EPHA6: variants seen among roughly 807,000 people sequenced by gnomAD.
EPHA6 encodes EPH receptor A6.
In EPHA6, 50 loss-of-function variants were observed where a neutral mutation model predicts 112.0. The ratio of observed to expected loss-of-function variants is 0.45; its 90% CI spans 0.36 to 0.56. EPHA6 has a LOEUF of 0.56. Ranked by LOEUF, EPHA6 falls within the 20% of genes least tolerant of loss-of-function variation. EPHA6 has a pLI of 0.00. For missense variants in EPHA6, 1,280 were observed against 1,417.4 expected (o/e 0.90, Z 1.56); for synonymous variants, 529 against 490.7 (o/e 1.08, Z -1.03).
At chr3:97,205,817 C>T (rs1423514479) in intron 3 of EPHA6, among the ~76,000 whole-genome samples, 2 of 152,008 alleles carry the variant, frequency 1.3e-5, no homozygotes, top group African/African-American at 2.4e-5. Flanking sequence ...TTTTAATCAT[C>T]GCTCATGATG....
intron 6 of EPHA6, among the ~76,000 whole-genome samples, chr3:97,446,188 G>T (rs2090340225): frequency 6.6e-6 from 1 of 152,158 alleles, no homozygotes; most frequent in Non-Finnish European, 1.5e-5. Context: ...GAGGTCTGCT[G>T]TGTACTGTGA....
At chr3:96,923,741 T>C (rs1484847976) in intron 2 of EPHA6, among the ~76,000 whole-genome samples, 2 of 152,178 alleles carry the variant, frequency 1.3e-5, no homozygotes, top group Admixed American at 6.5e-5. Context: ...GATTTTCTTC[T>C]AGAGATTTTA....
At chr3:97,399,456 A>G (rs1292589200) in intron 5 of EPHA6, among the ~76,000 whole-genome samples, 1 of 151,402 alleles carries the variant, frequency 6.6e-6, no homozygotes, top group Non-Finnish European at 1.5e-5. Context: ...TATACCCAGT[A>G]GTAGGATATC....
chr3:97,327,539 T>C (rs2082494180), intron 5 of EPHA6, among the ~76,000 whole-genome samples: 1 of 151,800 alleles, frequency 6.6e-6, no homozygotes, highest in Non-Finnish European at 1.5e-5. Context: ...GTATCACCTA[T>C]GTATGTTTGT....
chr3:97,526,888 T>C lies in EPHA6; in HGVS notation c.2201-5470T>C, dbSNP rs77908232. Among the ~76,000 whole-genome samples the C allele has an allele frequency of 4.1e-3, 612 of 149,864 alleles. 5 individuals are homozygous for C. Among genetic ancestry groups the C allele is most frequent in the African/African-American group, 0.014 (586 of 40,726 alleles). On this transcript the variant is annotated intron_variant, in intron 10 of 17. Transcript: ENST00000389672. ...TGGATGAGTCTACCAGCATGTCTTA[T>C]TATGGATGGGATTACTCCCAGACTA... is the stretch of plus-strand genomic sequence containing the variant.
At chr3:97,720,712 A>C (rs1449231482) in intron 15 of EPHA6, among the ~76,000 whole-genome samples, 1 of 152,216 alleles carries the variant, frequency 6.6e-6, no homozygotes, top group African/African-American at 2.4e-5. Flanking sequence ...CAAGTAAGAC[A>C]AAAGAAAGAG....
At chr3:97,348,485 T>A (rs9850539) in intron 5 of EPHA6, among the ~76,000 whole-genome samples, 31,831 of 149,364 alleles carry the variant, frequency 0.21, 7,649 homozygotes, top group African/African-American at 0.57. Context: ...GATGGAGTAG[T>A]TTTTTTTTTA....
At chr3:97,672,872 T>C (rs1476311152) in intron 14 of EPHA6, among the ~76,000 whole-genome samples, 1 of 152,226 alleles carries the variant, frequency 6.6e-6, no homozygotes, top group Non-Finnish European at 1.5e-5. Flanking sequence ...TTGACTTTGC[T>C]GAAATAGGTT....
intron 13 of EPHA6, among the ~76,000 whole-genome samples, chr3:97,637,402 G>A (rs865911349): frequency 6.6e-6 from 1 of 151,546 alleles, no homozygotes; most frequent in Non-Finnish European, 1.5e-5. Context: ...TGAGTCACCT[G>A]TCCTGACTAC....
chr3:97,177,729 G>A (rs904592870), intron 3 of EPHA6, among the ~76,000 whole-genome samples: 1 of 151,754 alleles, frequency 6.6e-6, no homozygotes, highest in Non-Finnish European at 1.5e-5. Flanking sequence ...TATAGTTTTT[G>A]ACTTGAAATC....
At chr3:97,637,110 A>T (rs1465937677) in intron 13 of EPHA6, among the ~76,000 whole-genome samples, 1 of 152,130 alleles carries the variant, frequency 6.6e-6, no homozygotes, top group African/African-American at 2.4e-5. Flanking sequence ...AAATGAAAAC[A>T]TTATTTTAAA....
intron 11 of EPHA6, among the ~76,000 whole-genome samples, chr3:97,541,328 T>C (rs2092847042): frequency 6.6e-6 from 1 of 152,224 alleles, no homozygotes; most frequent in Admixed American, 6.5e-5. Flanking sequence ...CATATAACCT[T>C]CACTAACTTT....
At chr3:97,683,780 G>C (rs567605843) in intron 14 of EPHA6, among the ~76,000 whole-genome samples, 2 of 152,110 alleles carry the variant, frequency 1.3e-5, no homozygotes, top group South Asian at 4.2e-4. Context: ...CTCTCTTTCT[G>C]GCTGCAAGAT....
rs10559270 is a variant in EPHA6 at position 97,754,084 on chromosome 3, C to CTTTT, written c.*5401_*5404dup. Reference sequence around the variant, plus strand: ...AATGTATAAAAAATAACATTTATATCTTTTTTTTTTTTTTTTTTTTTGAGA... The same window carrying CTTTT: ...AATGTATAAAAAATAACATTTATATCTTTTTTTTTTTTTTTTTTTTTTTTTGAGA... On this transcript the variant is annotated 3_prime_UTR_variant, in exon 18 of 18. Transcript: ENST00000389672. Among the ~76,000 whole-genome samples the CTTTT allele has an allele frequency of 2.9e-5, 3 of 102,060 alleles. No homozygotes were observed. The highest frequency in any genetic ancestry group is 1.1e-4 in the Admixed American group (1 of 8,862). 67.0% of individuals were successfully genotyped at this position (102,060 alleles called of 152,430 possible). A position where few individuals can be genotyped will look rare whatever the true frequency, so the allele number is the denominator to read the frequency against.
intron 2 of EPHA6, among the ~76,000 whole-genome samples, chr3:96,957,718 A>C (rs933607176): frequency 6.6e-6 from 1 of 152,208 alleles, no homozygotes; most frequent in Non-Finnish European, 1.5e-5. Context: ...AGTTAGCTTG[A>C]ATAAAGAGAG....
chr3:97,526,959 C>T (rs2092629917), intron 10 of EPHA6, among the ~76,000 whole-genome samples: 1 of 152,096 alleles, frequency 6.6e-6, no homozygotes, highest in Non-Finnish European at 1.5e-5. Flanking sequence ...TCATGATCTG[C>T]TGTGGGACAG....
chr3:97,324,390 T>TCTTTG (rs1366197608), intron 5 of EPHA6, among the ~76,000 whole-genome samples: 1 of 150,784 alleles, frequency 6.6e-6, no homozygotes, highest in African/African-American at 2.5e-5. Flanking sequence ...TTCTAAGATT[T>TCTTTG]CTTTGCTTTC....
intron 5 of EPHA6, among the ~76,000 whole-genome samples, chr3:97,270,311 CAAT>C (rs1182466126): frequency 1.3e-5 from 2 of 152,058 alleles, no homozygotes; most frequent in Non-Finnish European, 2.9e-5. Context: ...AAGAGGGATC[CAAT>C]AATATGTTGG....
At position 97,759,585 on chromosome 3, in the gene EPHA6, G is replaced by A. The variant is rs2036108254; in HGVS notation, c.*10884G>A. ...AGAGGGGTTGCGATTTAAAGCATAA[G>A]TAGGGAGGTTAATTTTTGATAGGTG... is the stretch of plus-strand genomic sequence containing the variant. On this transcript the variant is annotated 3_prime_UTR_variant, in exon 18 of 18. Transcript: ENST00000389672. The A allele has an allele frequency of 8.7e-6, 2 of 231,150 alleles. No individual in the cohort carries two copies. Among genetic ancestry groups the A allele is most frequent in the Non-Finnish European group, 1.7e-5 (2 of 116,720 alleles). The allele number at this position is 231,150 out of a possible 1,614,324, so 14.3% of individuals were successfully genotyped here.
Sources: gnomAD v4.1 joint callset for allele counts (sites outside exome capture counted in the v4.1 genomes callset) on GRCh38, gnomAD v4.1.1 for gene constraint, MANE v1.5 for transcripts, NCBI Gene and HGNC (gene_info 2026-07-23, HGNC 2026-07-21) for gene names.